GPX5: variants seen among roughly 807,000 people sequenced by gnomAD.
GPX5 encodes the protein epididymal secretory glutathione peroxidase.
Under a neutral mutation model 23.8 loss-of-function variants are expected in GPX5, and 20 were observed. The ratio of observed to expected loss-of-function variants is 0.84; its 90% CI spans 0.59 to 1.22. GPX5 has a LOEUF of 1.22. GPX5 is among the 50% of genes most tolerant of loss of function. The probability of loss-of-function intolerance (pLI) is 0.00; values close to 1 mark genes in which losing one functional copy is unlikely to be tolerated. For missense variants in GPX5, 230 were observed against 266.6 expected (o/e 0.86, Z 0.96); for synonymous variants, 92 against 99.5 (o/e 0.92, Z 0.45).
intron 3 of GPX5, 61 bp downstream of exon 3, chr6:28,531,956 G>T (rs1229728544): frequency 3.5e-6 from 4 of 1,151,638 alleles, no homozygotes; most frequent in Middle Eastern, 4.7e-4. Flanking sequence ...GTCTCCAGAG[G>T]CCCTTCCAGC....
chr6:28,529,668 A>G, intron 2 of GPX5, 64 bp downstream of exon 2: 1 of 1,119,724 alleles, frequency 8.9e-7, no homozygotes, highest in Non-Finnish European at 1.3e-6. Flanking sequence ...ATTCTAAATT[A>G]TACTTGGAAT....
intron 4 of GPX5, 110 bp from the exon 5 acceptor site, chr6:28,533,851 A>T: frequency 6.6e-6 from 4 of 601,628 alleles, no homozygotes; most frequent in Non-Finnish European, 1.1e-5. Context: ...AATATCAGGA[A>T]GTTAAAATAT....
rs1278372071 is a variant in GPX5, at chr6:28,533,967, T to C, written c.466T>C (p.Cys156Arg). Residue 156 changes from cysteine to arginine, a missense_variant, in exon 5 of 5, where the codon TGT becomes CGT. By Grantham distance (180) the Cys-to-Arg change is radical. Coordinates refer to ENST00000412168, the MANE Select transcript of GPX5 (RefSeq NM_001509.3). ...QKVFSFLKHS[C>R]PHPSEILGTF... is the part of the protein sequence containing the mutation. Reference sequence around the variant, plus strand: ...TTCCATCTCTCTGGTTTAGCACTCCTGTCCTCATCCCTCTGAGATTTTGGG... The same window carrying C: ...TTCCATCTCTCTGGTTTAGCACTCCCGTCCTCATCCCTCTGAGATTTTGGG... 9.5e-6 allele frequency: 15 copies of C among 1,578,802 alleles called. No individual in the cohort carries two copies. The highest frequency in any genetic ancestry group is 1.3e-5 in the Non-Finnish European group (15 of 1,162,404).
In GPX5 at chr6:28,528,813, GTATATATATATATATATA is replaced by G. The variant is rs70983945; in HGVS notation, c.88-588_88-571del. Among the ~76,000 whole-genome samples, 5 of 95,690 alleles carry G rather than the reference GTATATATATATATATATA, an allele frequency of 5.2e-5. 1 individual carries two copies. Among genetic ancestry groups the G allele is most frequent in the Admixed American group, 2.2e-4 (2 of 9,068 alleles). The allele number at this position is 95,690 out of a possible 152,430, so 62.8% of individuals were successfully genotyped here. A position where few individuals can be genotyped will look rare whatever the true frequency, so the allele number is the denominator to read the frequency against. ...TATATGTGTATATATATATATGTGTGTATATATATATATATATATATATATATATATATATATATATAT... is the reference window on the plus strand; with the variant it reads ...TATATGTGTATATATATATATGTGTGTATATATATATATATATATATATAT... On this transcript the variant is annotated intron_variant, in intron 1 of 4. Coordinates refer to ENST00000412168, the MANE Select transcript of GPX5 (RefSeq NM_001509.3).
intron 2 of GPX5, among the ~76,000 whole-genome samples, chr6:28,531,370 CAAAAAAAA>C (rs1193939654): frequency 8.0e-5 from 4 of 50,112 alleles, no homozygotes; most frequent in Non-Finnish European, 1.4e-4. Context: ...GAATCTGTCT[CAAAAAAAA>C]AAAAAAAAAA....
At chr6:28,533,361 C>T (rs1158874312) in intron 4 of GPX5, among the ~76,000 whole-genome samples, 2 of 152,100 alleles carry the variant, frequency 1.3e-5, no homozygotes, top group Non-Finnish European at 2.9e-5. Flanking sequence ...TGCACCCCAG[C>T]CTGGGCGACA....
chr6:28,533,142 G>C (rs574199010), intron 4 of GPX5, among the ~76,000 whole-genome samples: 13 of 151,838 alleles, frequency 8.6e-5, no homozygotes, highest in Non-Finnish European at 1.5e-4. Context: ...AACAAAAAAA[G>C]TAACAAACCA....
intron 2 of GPX5, among the ~76,000 whole-genome samples, chr6:28,531,328 G>A (rs541681032): frequency 2.3e-4 from 31 of 134,790 alleles, no homozygotes; most frequent in Non-Finnish European, 1.7e-4. Context: ...CCGAGATCGC[G>A]CCACTGCACT....
At chr6:28,526,141 T>G in intron 1 of GPX5, 41 bp downstream of exon 1, 1 of 1,447,248 alleles carries the variant, frequency 6.9e-7, no homozygotes, top group Non-Finnish European at 9.7e-7. Context: ...TACTCTTCTG[T>G]CCTACTTCTA....
rs1195112842 is a variant in GPX5 at position 28,534,097 on chromosome 6, C to T, written c.596C>T (p.Ser199Phe). Residue 199 changes from serine (S) to phenylalanine (F), a missense_variant, in exon 5 of 5, where the codon TCC becomes TTC. Ser to Phe is a radical substitution (Grantham distance 155). Transcript: ENST00000412168. ...GATGGAATCCCTGTCATGCGCTGGTCCCACCGGGCTACGGTCAGCTCAGTC... is the reference window on the plus strand; with the variant it reads ...GATGGAATCCCTGTCATGCGCTGGTTCCACCGGGCTACGGTCAGCTCAGTC... ...GPDGIPVMRW[S>F]HRATVSSVKT... The T allele has an allele frequency of 6.2e-7, 1 of 1,611,986 alleles. No homozygotes were observed.
chr6:28,526,182 T>C (rs886218603), intron 1 of GPX5, 82 bp downstream of exon 1: 6 of 1,021,442 alleles, frequency 5.9e-6, no homozygotes, highest in Non-Finnish European at 9.2e-6. Context: ...CTTGTAAGAC[T>C]CCAACTCCTG....
chr6:28,533,367 C>T (rs773681134), intron 4 of GPX5, among the ~76,000 whole-genome samples: 12 of 151,996 alleles, frequency 7.9e-5, no homozygotes, highest in African/African-American at 9.7e-5. Flanking sequence ...CCAGCCTGGG[C>T]GACACAGCGA....
In GPX5 at chr6:28,534,640, A is replaced by G. The variant is rs887875377; in HGVS notation, c.*473A>G. ...TTTTTGTCTCCTAGGACAAACGTGTATCATCAGTTTCCAACTGTTTTGGCT... is the reference window on the plus strand; with the variant it reads ...TTTTTGTCTCCTAGGACAAACGTGTGTCATCAGTTTCCAACTGTTTTGGCT... On this transcript the variant is annotated 3_prime_UTR_variant, in exon 5 of 5. Coordinates refer to ENST00000412168, the MANE Select transcript of GPX5 (RefSeq NM_001509.3). The G allele has an allele frequency of 6.5e-6, 1 of 153,678 alleles. No homozygotes were observed. Among genetic ancestry groups the G allele is most frequent in the Non-Finnish European group, 1.4e-5 (1 of 69,126 alleles). The allele number at this position is 153,678 out of a possible 1,614,324, so 9.5% of individuals were successfully genotyped here.
Position 28,534,149 on chromosome 6 carries a change from G to A in GPX5, c.648G>A (p.Lys216=). ...SVKTDILAYL[K]QFKTK ...AGACAGACATCCTGGCGTACTTGAAGCAATTCAAAACCAAATAGGAAGGTG... is the reference window on the plus strand; with the variant it reads ...AGACAGACATCCTGGCGTACTTGAAACAATTCAAAACCAAATAGGAAGGTG... The change falls in exon 5 of 5, where the codon AAG becomes AAA. Residue 216 remains lysine, a synonymous_variant. Coordinates refer to ENST00000412168, the MANE Select transcript of GPX5 (RefSeq NM_001509.3). 1.3e-6 allele frequency: 2 copies of A among 1,596,438 alleles called. No individual in the cohort carries two copies. The highest frequency in any genetic ancestry group is 2.3e-5 in the East Asian group (1 of 44,268).
intron 2 of GPX5, among the ~76,000 whole-genome samples, chr6:28,531,384 A>AG (rs1235210409): frequency 8.1e-5 from 11 of 136,064 alleles, no homozygotes; most frequent in Non-Finnish European, 1.2e-4. Flanking sequence ...AAAAAAAAAA[A>AG]AAAAAAAAAG....
At chr6:28,533,872 G>A in intron 4 of GPX5, 89 bp from the exon 5 acceptor site, 3 of 754,968 alleles carry the variant, frequency 4.0e-6, no homozygotes, top group Non-Finnish European at 6.3e-6. Flanking sequence ...CTAGGTATAG[G>A]AGGGGGTGGA....
Position 28,526,037 on chromosome 6 carries a change from C to T in GPX5, c.24C>T (p.Val8=). Residue 8 remains valine, a synonymous_variant, in exon 1 of 5, where the codon GTC becomes GTT. Transcript: ENST00000412168. MTTQLRV[V]HLLPLLLACF... Reference sequence around the variant, plus strand: ...TCATGACTACACAGTTAAGGGTCGTCCATCTGCTTCCCCTTCTCCTAGCCT... The same window carrying T: ...TCATGACTACACAGTTAAGGGTCGTTCATCTGCTTCCCCTTCTCCTAGCCT... 1 of 1,612,930 alleles carries T rather than the reference C, an allele frequency of 6.2e-7. No homozygotes were observed.
rs1300392413 is a variant in GPX5, at chr6:28,534,194, C to T, written c.*27C>T. 6.7e-7 allele frequency: 1 copy of T among 1,494,050 alleles called. No homozygotes were observed. Among genetic ancestry groups the T allele is most frequent in the Non-Finnish European group, 9.0e-7 (1 of 1,110,230 alleles). 92.5% of individuals were successfully genotyped at this position (1,494,050 alleles called of 1,614,324 possible). On this transcript the variant is annotated 3_prime_UTR_variant, in exon 5 of 5. Coordinates refer to ENST00000412168, the MANE Select transcript of GPX5 (RefSeq NM_001509.3). ...AAGGTGGAGTTAAGGGCAGGAGCAA[C>T]CCTACTTCTCACCTAATGACTTGCT...
At chr6:28,528,502 C>T (rs1312279506) in intron 1 of GPX5, 1 of 152,012 alleles carries the variant, frequency 6.6e-6, no homozygotes, top group East Asian at 1.9e-4. Context: ...ACTAAGATAT[C>T]CTAAAAATAG....
Sources: gnomAD v4.1 joint callset for allele counts (sites outside exome capture counted in the v4.1 genomes callset) on GRCh38, gnomAD v4.1.1 for gene constraint, MANE v1.5 for transcripts, NCBI Gene and HGNC (gene_info 2026-07-23, HGNC 2026-07-21) for gene names.